The following AGPS variants were observed in gnomAD, a reference collection of about 807,000 sequenced individuals.
AGPS encodes alkylglycerone phosphate synthase, also known as alkyldihydroxyacetonephosphate synthase, peroxisomal.
In AGPS, 26 loss-of-function variants were observed where a neutral mutation model predicts 90.7. The ratio of observed to expected loss-of-function variants is 0.29; its 90% CI spans 0.21 to 0.40. The LOEUF is 0.40. AGPS is among the 10% of genes least tolerant of loss of function. AGPS has a pLI of 1.00. For missense variants in AGPS, 540 were observed against 816.1 expected (o/e 0.66, Z 4.12); for synonymous variants, 294 against 285.3 (o/e 1.03, Z -0.31).
intron 10 of AGPS, among the ~76,000 whole-genome samples, chr2:177,469,173 T>G (rs1687539810): frequency 6.6e-6 from 1 of 152,076 alleles, no homozygotes; most frequent in Admixed American, 6.6e-5. Context: ...ATGGGCTTAT[T>G]TTTCAATTTT....
At chr2:177,523,908 T>C (rs1345834950) in intron 19 of AGPS, 103 bp downstream of exon 19, 3 of 992,758 alleles carry the variant, frequency 3.0e-6, no homozygotes, top group African/African-American at 3.2e-5. Context: ...ATGAGAGTAC[T>C]TGAGGTTTCT....
chr2:177,410,796 C>T lies in AGPS; in HGVS notation c.261-9473C>T, dbSNP rs114873921. Among the ~76,000 whole-genome samples, 394 of 152,244 alleles carry T rather than the reference C, an allele frequency of 2.6e-3. 4 individuals carry two copies. The highest frequency in any genetic ancestry group is 9.1e-3 in the African/African-American group (376 of 41,522). Reference sequence around the variant, plus strand: ...CTGTGAGGGTGACGGCATGGGCTGGCGCTTACCCCAGGCACCCTCAGTCCT... The same window carrying T: ...CTGTGAGGGTGACGGCATGGGCTGGTGCTTACCCCAGGCACCCTCAGTCCT... On this transcript the variant is annotated intron_variant, in intron 1 of 19. Transcript: ENST00000264167.
chr2:177,498,745 A>G (rs1487284383), intron 13 of AGPS, among the ~76,000 whole-genome samples: 7 of 151,760 alleles, frequency 4.6e-5, no homozygotes, highest in Non-Finnish European at 8.9e-5. Context: ...TGGCAGCACC[A>G]TTAATTAATC....
chr2:177,491,804 G>C (rs979871198), intron 11 of AGPS, among the ~76,000 whole-genome samples: 2 of 85,226 alleles, frequency 2.3e-5, no homozygotes, highest in Non-Finnish European at 4.2e-5. Context: ...TTTTGTTTTT[G>C]AGACAAGGTC....
In AGPS at chr2:177,436,990, T is replaced by G; in HGVS notation, c.573T>G (p.Leu191=). 6.2e-7 allele frequency: 1 copy of G among 1,613,566 alleles called. No individual in the cohort carries two copies. Among genetic ancestry groups the G allele is most frequent in the Non-Finnish European group, 8.5e-7 (1 of 1,179,740 alleles). ...DRVFRAHGHC[L]HEIFLLREGM... ...TTAACCACAAAACAGGTCATTGTCT[T>G]CATGAGATATTTTTGCTCAGGGAAG... The change falls in exon 5 of 20, where the codon CTT becomes CTG. Residue 191 remains leucine (L), a synonymous_variant. Transcript: ENST00000264167.
In AGPS at chr2:177,392,824, G is replaced by A. The variant is rs557931141; in HGVS notation, c.35G>A (p.Gly12Asp). ...GCGGCGGCTGCAGCGGGTGGGACTG[G>A]CTTGGGCGCGGGCGCGAGCTACGGG... ...AEAAAAAGGT[G>D]LGAGASYGSA... Residue 12 changes from glycine to aspartate, a missense_variant, in exon 1 of 20, where the codon GGC becomes GAC. Gly to Asp is a moderately conservative substitution (Grantham distance 94, BLOSUM62 -1). This residue lies in a region of AGPS where 135 missense variants were observed against 124.0 expected (regional missense o/e 1.09). Transcript: ENST00000264167. 3.4e-4 allele frequency: 534 copies of A among 1,551,206 alleles called. 4 individuals carry two copies. The South Asian group carries it at 4.8e-3, about 14-fold the overall frequency.
chr2:177,541,775 T>A lies in AGPS; in HGVS notation c.*3580T>A, dbSNP rs1222408063. On this transcript the variant is annotated 3_prime_UTR_variant, in exon 20 of 20. Coordinates refer to ENST00000264167, the MANE Select transcript of AGPS (RefSeq NM_003659.4). ...AGGCTTCATGTTCCCAAATGAGCCATCTGTCAGTATATTCACTTAATTCTT... is the reference window on the plus strand; with the variant it reads ...AGGCTTCATGTTCCCAAATGAGCCAACTGTCAGTATATTCACTTAATTCTT... 1.3e-5 allele frequency: 2 copies of A among 152,312 alleles called. No individual in the cohort carries two copies. Among genetic ancestry groups the A allele is most frequent in the Admixed American group, 6.5e-5 (1 of 15,278 alleles). 9.4% of individuals were successfully genotyped at this position (152,312 alleles called of 1,614,324 possible). A position where few individuals can be genotyped will look rare whatever the true frequency, so the allele number is the denominator to read the frequency against.
intron 7 of AGPS, 94 bp downstream of exon 7, chr2:177,442,580 C>CTAGA: frequency 1.9e-6 from 2 of 1,044,684 alleles, no homozygotes; most frequent in South Asian, 1.3e-5. Flanking sequence ...GGCGCTGTGG[C>CTAGA]TCACGCTTGT....
intron 14 of AGPS, among the ~76,000 whole-genome samples, chr2:177,503,553 A>G (rs12328215): frequency 7.9e-5 from 12 of 152,190 alleles, no homozygotes; most frequent in African/African-American, 2.7e-4. Flanking sequence ...GACAGCAGGA[A>G]GTAGGGGATC....
At chr2:177,482,507 G>A (rs992977647) in intron 11 of AGPS, among the ~76,000 whole-genome samples, 2 of 151,952 alleles carry the variant, frequency 1.3e-5, no homozygotes, top group African/African-American at 4.8e-5. Context: ...TGACTGTTAT[G>A]TGTCTTAAGT....
intron 10 of AGPS, among the ~76,000 whole-genome samples, chr2:177,470,549 C>T (rs1298424926): frequency 6.6e-6 from 1 of 151,452 alleles, no homozygotes; most frequent in Non-Finnish European, 1.5e-5. Context: ...ACTAAAAATA[C>T]AAAAATTAGT....
chr2:177,518,642 G>A (rs949132545), intron 17 of AGPS, among the ~76,000 whole-genome samples: 1 of 151,652 alleles, frequency 6.6e-6, no homozygotes, highest in Non-Finnish European at 1.5e-5. Context: ...GTAAAGAAGA[G>A]CTTTCCTCTC....
At chr2:177,414,987 T>A (rs1574349344) in intron 1 of AGPS, among the ~76,000 whole-genome samples, 1 of 151,734 alleles carries the variant, frequency 6.6e-6, no homozygotes, top group Non-Finnish European at 1.5e-5. Flanking sequence ...ATATTATATA[T>A]AATATTTTGT....
At chr2:177,403,025 C>A (rs1462201257) in intron 1 of AGPS, among the ~76,000 whole-genome samples, 1 of 152,134 alleles carries the variant, frequency 6.6e-6, no homozygotes, top group Non-Finnish European at 1.5e-5. Context: ...CCACTGCACT[C>A]CAGCCTGGGT....
intron 3 of AGPS, among the ~76,000 whole-genome samples, chr2:177,435,672 A>G (rs953340590): frequency 2.6e-5 from 4 of 152,194 alleles, no homozygotes; most frequent in South Asian, 2.1e-4. Context: ...CAGTATCTTA[A>G]TAAGAGATTA....
chr2:177,441,307 T>C (rs935613381), intron 6 of AGPS: 1 of 383,548 alleles, frequency 2.6e-6, no homozygotes. Context: ...GTTTCTGCTT[T>C]AGTAATTACT....
chr2:177,461,806 A>T (rs1268928719), intron 8 of AGPS, 87 bp from the exon 9 acceptor site: 3 of 1,249,450 alleles, frequency 2.4e-6, no homozygotes, highest in Non-Finnish European at 3.4e-6. Flanking sequence ...ATGACATGGA[A>T]ATTTTAAAGT....
intron 5 of AGPS, among the ~76,000 whole-genome samples, chr2:177,438,719 C>T (rs79737612): frequency 2.2e-4 from 33 of 152,260 alleles, no homozygotes; most frequent in Non-Finnish European, 4.3e-4. Context: ...TTCCATACTT[C>T]AAGAATCTGT....
intron 1 of AGPS, among the ~76,000 whole-genome samples, chr2:177,407,030 T>A (rs1685484866): frequency 6.6e-6 from 1 of 152,224 alleles, no homozygotes. Context: ...AAATCTTTGC[T>A]TCCTAGTTAG....
Sources: allele counts gnomAD v4.1 joint callset (sites outside exome capture counted in the v4.1 genomes callset), GRCh38; gene constraint gnomAD v4.1.1; regional missense constraint gnomAD v4.1.1; transcripts MANE v1.5; gene names NCBI Gene and HGNC (gene_info 2026-07-23, HGNC 2026-07-21).